Variants in ENOX1 observed in about 807,000 individuals in gnomAD.
ENOX1 encodes candidate growth-related and time keeping constitutive hydroquinone (NADH) oxidase.
Under a neutral mutation model 82.5 loss-of-function variants are expected in ENOX1, and 42 were observed. The ratio of observed to expected loss-of-function variants is 0.51; its 90% CI spans 0.40 to 0.66. The LOEUF (loss-of-function observed/expected upper bound fraction) is 0.66. Ranked by LOEUF, ENOX1 falls within the 30% of genes least tolerant of loss-of-function variation. ENOX1 has a pLI of 0.00. For missense variants in ENOX1, 608 were observed against 811.6 expected, an observed-to-expected ratio of 0.75 and a Z score of 3.05; for synonymous variants, 271 against 282.2, an observed-to-expected ratio of 0.96 and a Z score of 0.40.
intron 10 of ENOX1, among the ~76,000 whole-genome samples, chr13:43,324,264 T>C (rs1371524648): frequency 6.6e-6 from 1 of 152,166 alleles, no homozygotes; most frequent in Non-Finnish European, 1.5e-5. Context: ...TAAATGAGGC[T>C]GAAAGGGACT....
At chr13:43,214,371 C>T (rs1325062935) in intron 16 of ENOX1, among the ~76,000 whole-genome samples, 1 of 152,080 alleles carries the variant, frequency 6.6e-6, no homozygotes, top group African/African-American at 2.4e-5. Context: ...ATATGGATGG[C>T]TACCTTACTG....
chr13:43,685,469 C>T (rs1455359304), intron 1 of ENOX1, among the ~76,000 whole-genome samples: 1 of 152,012 alleles, frequency 6.6e-6, no homozygotes, highest in Non-Finnish European at 1.5e-5. Context: ...TCGCTGCTGG[C>T]CTAAAGTAGG....
chr13:43,390,414 T>C (rs1482355937), intron 5 of ENOX1, among the ~76,000 whole-genome samples: 1 of 152,094 alleles, frequency 6.6e-6, no homozygotes, highest in African/African-American at 2.4e-5. Context: ...AAAAATTTAG[T>C]AAGTTTATAA....
At chr13:43,544,090 C>T (rs2078870760) in intron 2 of ENOX1, 1 of 151,536 alleles carries the variant, frequency 6.6e-6, no homozygotes, top group African/African-American at 2.4e-5. Flanking sequence ...CTAATGTTGG[C>T]CAGGCTAGTC....
At position 43,325,405 on chromosome 13, in the gene ENOX1, C is replaced by T. The variant is rs2048053740; in HGVS notation, c.1143+1014G>A. On this transcript the variant is annotated intron_variant, in intron 10 of 16. Transcript: ENST00000690772. ...ATAATAACAGTGATAATAAAGAATTCATTTGGTATTCATGTGGATATTACA... is the reference window on the plus strand; with the variant it reads ...ATAATAACAGTGATAATAAAGAATTTATTTGGTATTCATGTGGATATTACA... 3.3e-5 allele frequency among the ~76,000 whole-genome samples: 5 copies of T among 152,154 alleles called. No homozygotes were observed. The South Asian group carries it at 1.0e-3, about 32-fold the overall frequency.
At chr13:43,673,811 C>T (rs1305844745) in intron 1 of ENOX1, among the ~76,000 whole-genome samples, 1 of 152,182 alleles carries the variant, frequency 6.6e-6, no homozygotes, top group East Asian at 1.9e-4. Context: ...TCCTAATTTG[C>T]TTTTTATGTT....
rs537083413 is a variant in ENOX1, at chr13:43,413,689, A to G, written c.-74-701T>C. ...TTCCTTAGAATTGCCCAGCTTATAT[A>G]TATATATATTTTTATATATTTATAT... On this transcript the variant is annotated intron_variant, in intron 3 of 16. Transcript: ENST00000690772. Among the ~76,000 whole-genome samples the G allele has an allele frequency of 2.9e-3, 430 of 147,380 alleles. 1 individual carries two copies. The highest frequency in any genetic ancestry group is 0.01 in the African/African-American group (414 of 40,800).
chr13:43,641,780 G>T (rs774366393), intron 2 of ENOX1, among the ~76,000 whole-genome samples: 8 of 151,906 alleles, frequency 5.3e-5, no homozygotes, highest in Non-Finnish European at 1.2e-4. Context: ...TGATCCAACT[G>T]CCTCAGCCTC....
At chr13:43,627,986 T>C (rs141656087) in intron 2 of ENOX1, among the ~76,000 whole-genome samples, 41 of 152,260 alleles carry the variant, frequency 2.7e-4, no homozygotes, top group African/African-American at 8.4e-4. Flanking sequence ...GTCCTTCTAA[T>C]TGATTTTTCC....
chr13:43,287,057 G>T (rs558310964), intron 12 of ENOX1, among the ~76,000 whole-genome samples: 6 of 152,310 alleles, frequency 3.9e-5, no homozygotes, highest in African/African-American at 1.4e-4. Flanking sequence ...CTAGGCTGCA[G>T]TTCTGACTCT....
chr13:43,575,188 C>T (rs531015592), intron 2 of ENOX1, among the ~76,000 whole-genome samples: 1 of 152,208 alleles, frequency 6.6e-6, no homozygotes, highest in African/African-American at 2.4e-5. Flanking sequence ...GTGAAGTCCT[C>T]TTAAAAGAAC....
intron 2 of ENOX1, among the ~76,000 whole-genome samples, chr13:43,556,717 C>T (rs1375889209): frequency 2.3e-4 from 34 of 146,750 alleles, no homozygotes; most frequent in African/African-American, 8.7e-4. Flanking sequence ...CCAGAAGGTT[C>T]TATTCTCAAA....
At chr13:43,383,578 T>A (rs2052213062) in intron 5 of ENOX1, among the ~76,000 whole-genome samples, 1 of 152,164 alleles carries the variant, frequency 6.6e-6, no homozygotes, top group South Asian at 2.1e-4. Context: ...TTTAAATAAA[T>A]TCTGCATGCT....
chr13:43,513,527 T>A (rs1319630283), intron 2 of ENOX1, among the ~76,000 whole-genome samples: 2 of 147,758 alleles, frequency 1.4e-5, no homozygotes, highest in Non-Finnish European at 3.0e-5. Flanking sequence ...CCTGAAGTAA[T>A]AATACACAAT....
chr13:43,640,945 A>G (rs928713448), intron 2 of ENOX1, among the ~76,000 whole-genome samples: 8 of 151,924 alleles, frequency 5.3e-5, no homozygotes, highest in African/African-American at 1.9e-4. Flanking sequence ...CACGTAACCT[A>G]CAGCAAAATC....
At chr13:43,517,006 G>A (rs963052681) in intron 2 of ENOX1, among the ~76,000 whole-genome samples, 1 of 152,150 alleles carries the variant, frequency 6.6e-6, no homozygotes, top group Non-Finnish European at 1.5e-5. Context: ...TAGAAACAGA[G>A]CATATTAATT....
At chr13:43,776,433 A>C (rs1336126846) in intron 1 of ENOX1, among the ~76,000 whole-genome samples, 1 of 148,928 alleles carries the variant, frequency 6.7e-6, no homozygotes, top group Non-Finnish European at 1.5e-5. Context: ...ACCTGGAACT[A>C]GTAAGATTTT....
intron 3 of ENOX1, among the ~76,000 whole-genome samples, chr13:43,480,878 G>A (rs1000136065): frequency 2.0e-5 from 3 of 152,072 alleles, no homozygotes; most frequent in African/African-American, 4.8e-5. Context: ...ACAAAGAAAA[G>A]TCCTATATCA....
intron 2 of ENOX1, among the ~76,000 whole-genome samples, chr13:43,580,106 T>G (rs1407637085): frequency 1.3e-5 from 2 of 152,096 alleles, no homozygotes; most frequent in Non-Finnish European, 2.9e-5. Flanking sequence ...TGAGAATGAG[T>G]CAATGGGCTT....
Sources: gnomAD v4.1 joint callset for allele counts (sites outside exome capture counted in the v4.1 genomes callset) on GRCh38, gnomAD v4.1.1 for gene constraint, MANE v1.5 for transcripts, NCBI Gene and HGNC (gene_info 2026-07-23, HGNC 2026-07-21) for gene names.